Variants in PCDHGA1 observed in about 807,000 individuals in gnomAD.
PCDHGA1 encodes protocadherin gamma subfamily A, 1.
A neutral mutation model predicts 58.0 loss-of-function variants in PCDHGA1; 32 were observed. The observed-to-expected ratio is 0.55, with a 90% CI of 0.42 to 0.74. The LOEUF is 0.74. Among genes scored for constraint, PCDHGA1 ranks in the 30% least tolerant of loss-of-function variants. PCDHGA1 has a pLI of 0.00. For missense variants in PCDHGA1, 1,205 were observed against 1,182.3 expected, an observed-to-expected ratio of 1.02 and a Z score of -0.28; for synonymous variants, 498 against 501.1, an observed-to-expected ratio of 0.99 and a Z score of 0.08.
intron 1 of PCDHGA1, chr5:141,410,843 C>CTT: frequency 4.6e-6 from 1 of 216,280 alleles, no homozygotes; most frequent in South Asian, 8.0e-5. Flanking sequence ...GATATTTTGT[C>CTT]TTTGTCTTTT....
chr5:141,332,943 T>G lies in PCDHGA1; in HGVS notation c.2259T>G (p.Tyr753Ter). 1 of 1,614,132 alleles carries G rather than the reference T, an allele frequency of 6.2e-7. No homozygotes were observed. The highest frequency in any genetic ancestry group is 1.1e-5 in the South Asian group (1 of 91,078). The part of the protein sequence containing the change: ...VDGVRAFLQT[Y>*]SHEVSLTADS... ...GGGTTCGGGCTTTCCTGCAGACCTA[T>G]TCCCACGAGGTCTCCCTCACTGCGG... The change falls in exon 1 of 4, where the codon TAT (tyrosine) becomes TAG (stop). Residue 753 changes from tyrosine to a stop codon, truncating the protein, a stop_gained. Transcript: ENST00000517417. LOFTEE classifies it high-confidence loss of function. This position sits in a 1 kb window ranked among gnomAD's most constrained non-coding sequence, Gnocchi z 4.6.
At chr5:141,368,650 G>GA (rs1765784574) in intron 1 of PCDHGA1, among the ~76,000 whole-genome samples, 1 of 152,076 alleles carries the variant, frequency 6.6e-6, no homozygotes, top group Non-Finnish European at 1.5e-5. Context: ...TTGTGCAATG[G>GA]AAAAATATCT....
At position 141,431,316 on chromosome 5, in the gene PCDHGA1, C is replaced by T; in HGVS notation, c.2422-63491C>T. 6.2e-7 allele frequency: 1 copy of T among 1,614,104 alleles called. No individual in the cohort carries two copies. The highest frequency in any genetic ancestry group is 8.5e-7 in the Non-Finnish European group (1 of 1,180,046). The stretch of plus-strand genomic sequence containing the variant: ...TTCTCCCTCATCGTGCAAAATGGAG[C>T]CGACGGTAGTAAGTACCCCGAATTG... On this transcript the variant is annotated intron_variant, in intron 1 of 3. Transcript: ENST00000517417. The surrounding 1 kb of genome is among the most constrained non-coding windows in gnomAD (Gnocchi z 4.8).
chr5:141,430,924 G>A (rs1217400258), intron 1 of PCDHGA1: 1 of 1,607,462 alleles, frequency 6.2e-7, no homozygotes, highest in Admixed American at 1.7e-5. Context: ...TGGGGCTGGA[G>A]CCCCGGGAGC....
At chr5:141,398,977 A>G (rs761532339) in intron 1 of PCDHGA1, 2 of 1,613,952 alleles carry the variant, frequency 1.2e-6, no homozygotes, top group Non-Finnish European at 1.7e-6. Context: ...CTTCTACAGA[A>G]CCGGGCAAAT....
chr5:141,397,985 C>A (rs1034752721), intron 1 of PCDHGA1: 3 of 1,315,640 alleles, frequency 2.3e-6, no homozygotes, highest in Non-Finnish European at 2.1e-6. Context: ...GGCCTTTACA[C>A]CGCTTCCTCC....
At chr5:141,384,179 G>C in intron 1 of PCDHGA1, 7 of 1,613,830 alleles carry the variant, frequency 4.3e-6, no homozygotes, top group Non-Finnish European at 5.9e-6. Context: ...GCCACAGATG[G>C]TGGAACTCCT....
At chr5:141,378,925 T>C (rs1202116224) in intron 1 of PCDHGA1, 1 of 152,246 alleles carries the variant, frequency 6.6e-6, no homozygotes, top group African/African-American at 2.4e-5. Context: ...CAAAAGTAAG[T>C]TGATGGCCCT....
intron 1 of PCDHGA1, among the ~76,000 whole-genome samples, chr5:141,379,851 T>G (rs1388767497): frequency 6.7e-6 from 1 of 148,750 alleles, no homozygotes; most frequent in Non-Finnish European, 1.5e-5. Context: ...AACTACCAAA[T>G]TATTGTCTTA....
At chr5:141,448,999 GT>G (rs910018882) in intron 1 of PCDHGA1, among the ~76,000 whole-genome samples, 2 of 151,816 alleles carry the variant, frequency 1.3e-5, no homozygotes, top group African/African-American at 4.8e-5. Context: ...ATAGAAAGCT[GT>G]TTTTTTTAAC....
At chr5:141,459,814 T>A (rs757306281) in intron 1 of PCDHGA1, among the ~76,000 whole-genome samples, 2 of 152,256 alleles carry the variant, frequency 1.3e-5, no homozygotes, top group African/African-American at 4.8e-5. Context: ...CTAGAGACAC[T>A]GAGCAACTTT....
At chr5:141,427,294 AT>A (rs2097012877) in intron 1 of PCDHGA1, 1 of 456,758 alleles carries the variant, frequency 2.2e-6, no homozygotes, top group Non-Finnish European at 4.4e-6. Flanking sequence ...GAAATCCTAG[AT>A]GAGAATGACA....
rs765885822 is a variant in PCDHGA1 at position 141,361,298 on chromosome 5, G to A, written c.2421+28193G>A. ...GGAGAAGTTTACTGCCAAGTGTTGG[G>A]AAATGCCAAGTTTATTTTGAAATCT... On this transcript the variant is annotated intron_variant, in intron 1 of 3. Coordinates refer to ENST00000517417, the MANE Select transcript of PCDHGA1 (RefSeq NM_018912.3). 170 of 1,613,882 alleles carry A rather than the reference G, an allele frequency of 1.1e-4. No individual in the cohort carries two copies. Among genetic ancestry groups the A allele is most frequent in the Non-Finnish European group, 1.3e-4 (151 of 1,179,896 alleles).
chr5:141,351,999 C>T lies in PCDHGA1; in HGVS notation c.2421+18894C>T, dbSNP rs1197010212. On this transcript the variant is annotated intron_variant, in intron 1 of 3. Coordinates refer to ENST00000517417, the MANE Select transcript of PCDHGA1 (RefSeq NM_018912.3). ...GATATGGTGCCACGCGCCGCAGAGC[C>T]CGGCTACCTGGTGACCAAGGTGGTG... is the stretch of plus-strand genomic sequence containing the variant. 1.9e-6 allele frequency: 3 copies of T among 1,610,840 alleles called. No homozygotes were observed. Among genetic ancestry groups the T allele is most frequent in the Non-Finnish European group, 2.5e-6 (3 of 1,179,442 alleles).
intron 1 of PCDHGA1, among the ~76,000 whole-genome samples, chr5:141,407,684 G>C (rs2094967978): frequency 6.6e-6 from 1 of 152,094 alleles, no homozygotes; most frequent in South Asian, 2.1e-4. Flanking sequence ...GATTGGCTTT[G>C]TGGTGATCAT....
chr5:141,510,291 A>AG (rs903726285), intron 3 of PCDHGA1, among the ~76,000 whole-genome samples: 1 of 150,450 alleles, frequency 6.6e-6, no homozygotes, highest in African/African-American at 2.4e-5. Context: ...AAAAAAAAAA[A>AG]TGCTGTTTTG....
chr5:141,361,809 T>C (rs755899945), intron 1 of PCDHGA1: 1 of 1,612,970 alleles, frequency 6.2e-7, no homozygotes, highest in African/African-American at 1.3e-5. Context: ...TCAATGACAA[T>C]GCGCCACGGG....
chr5:141,331,188 G>C lies in PCDHGA1; in HGVS notation c.504G>C (p.Gln168His), dbSNP rs771688616. 4 of 1,613,990 alleles carry C rather than the reference G, an allele frequency of 2.5e-6. No homozygotes were observed. The highest frequency in any genetic ancestry group is 1.1e-5 in the South Asian group (1 of 91,080). ...QDLDVGMNSL[Q>H]SYQLSSNPHF... ...TTGATGTGGGTATGAACTCACTCCA[G>C]AGCTACCAACTCAGCTCTAACCCTC... The change falls in exon 1 of 4, where the codon CAG (glutamine) becomes CAC (histidine). Residue 168 changes from glutamine to histidine, a missense_variant. By Grantham distance (24) the Gln-to-His change is conservative (BLOSUM62 0). Transcript: ENST00000517417.
chr5:141,408,842 G>A, intron 1 of PCDHGA1: 1 of 1,613,598 alleles, frequency 6.2e-7, no homozygotes, highest in African/African-American at 1.3e-5. Flanking sequence ...GATATTGACT[G>A]CCTTGGACGG....
Sources: gnomAD v4.1 joint callset for allele counts (sites outside exome capture counted in the v4.1 genomes callset) on GRCh38, gnomAD v4.1.1 for gene constraint, Gnocchi (gnomAD v3.1) non-coding constraint, MANE v1.5 for transcripts, NCBI Gene and HGNC (gene_info 2026-07-23, HGNC 2026-07-21) for gene names.